TMEM196: variants seen among roughly 807,000 people sequenced by gnomAD.
TMEM196 encodes transmembrane protein 196.
TMEM196 carries 17 observed loss-of-function variants against 20.0 expected under a neutral mutation model. The observed-to-expected ratio is 0.85, with a 90% CI of 0.58 to 1.27. The LOEUF (loss-of-function observed/expected upper bound fraction) is 1.27. TMEM196 is among the 50% of genes most tolerant of loss of function. The pLI is 0.00. For missense variants in TMEM196, 267 were observed against 223.0 expected, an observed-to-expected ratio of 1.20 and a Z score of -1.26; for synonymous variants, 113 against 88.9, an observed-to-expected ratio of 1.27 and a Z score of -1.52.
At chr7:19,765,593 A>G (rs1785595661) in intron 1 of TMEM196, among the ~76,000 whole-genome samples, 1 of 152,174 alleles carries the variant, frequency 6.6e-6, no homozygotes, top group Admixed American at 6.5e-5. Context: ...TTATGGCATA[A>G]ATAATGGTCA....
At chr7:19,739,825 C>A (rs1784526609) in intron 1 of TMEM196, among the ~76,000 whole-genome samples, 1 of 152,080 alleles carries the variant, frequency 6.6e-6, no homozygotes, top group African/African-American at 2.4e-5. Context: ...GGCAGAAATC[C>A]TTTGATGCTG....
chr7:19,729,150 T>C (rs1784103934), intron 2 of TMEM196, among the ~76,000 whole-genome samples: 1 of 152,194 alleles, frequency 6.6e-6, no homozygotes, highest in South Asian at 2.1e-4. Context: ...TATTCAGATA[T>C]TTAAAGAGTT....
In TMEM196 at chr7:19,772,786, C is replaced by G. The variant is rs1051987565; in HGVS notation, c.-90G>C. On this transcript the variant is annotated 5_prime_UTR_variant, in exon 1 of 5. Transcript: ENST00000405844. ...ACTATCCTCCTTACCCCTTCCACCC[C>G]CTACCAGATCCCAAAACTTTTCTTT... 1.6e-5 allele frequency: 20 copies of G among 1,223,814 alleles called. No homozygotes were observed. The highest frequency in any genetic ancestry group is 3.1e-5 in the East Asian group (1 of 32,646). The allele number at this position is 1,223,814 out of a possible 1,614,324, so 75.8% of individuals were successfully genotyped here.
At chr7:19,764,396 G>A (rs1785544357) in intron 1 of TMEM196, among the ~76,000 whole-genome samples, 1 of 152,086 alleles carries the variant, frequency 6.6e-6, no homozygotes, top group Non-Finnish European at 1.5e-5. Flanking sequence ...TTTTAGTTGA[G>A]GCAGATCTTC....
chr7:19,747,251 T>C lies in TMEM196; in HGVS notation c.148-17813A>G, dbSNP rs2892939. On this transcript the variant is annotated intron_variant, in intron 1 of 4. Transcript: ENST00000405844. ...GCCTGGGCGACAGAGCGAGACTCCG[T>C]CTCAAAAAAATAAATAAATAAAATA... Among the ~76,000 whole-genome samples the C allele has an allele frequency of 9.1e-3, 1,150 of 125,760 alleles. 18 individuals carry two copies. The highest frequency in any genetic ancestry group is 0.037 in the African/African-American group (1,083 of 29,076). The allele number at this position is 125,760 out of a possible 152,430, so 82.5% of individuals were successfully genotyped here.
chr7:19,725,962 C>T (rs1187174002), intron 2 of TMEM196, among the ~76,000 whole-genome samples, 194 bp from the exon 3 acceptor site: 1 of 152,070 alleles, frequency 6.6e-6, no homozygotes, highest in Non-Finnish European at 1.5e-5. Flanking sequence ...CTCTGACTCA[C>T]AGTAGACAGA....
chr7:19,752,129 A>C (rs1785011896), intron 1 of TMEM196, among the ~76,000 whole-genome samples: 1 of 152,252 alleles, frequency 6.6e-6, no homozygotes. Context: ...GAATAACATA[A>C]GATGTTGGTC....
intron 1 of TMEM196, among the ~76,000 whole-genome samples, chr7:19,741,208 G>A (rs1003462155): frequency 1.3e-5 from 2 of 152,076 alleles, no homozygotes; most frequent in Non-Finnish European, 2.9e-5. Flanking sequence ...ATAAACAATG[G>A]AATTCAATGT....
chr7:19,730,156 T>A (rs1784149279), intron 1 of TMEM196, among the ~76,000 whole-genome samples: 1 of 151,512 alleles, frequency 6.6e-6, no homozygotes. Flanking sequence ...TTCCGGAGGC[T>A]GAGGCAGGAG....
chr7:19,761,965 A>T (rs1431624051), intron 1 of TMEM196, among the ~76,000 whole-genome samples: 1 of 152,256 alleles, frequency 6.6e-6, no homozygotes, highest in South Asian at 2.1e-4. Flanking sequence ...TGCATTATGC[A>T]TTGTGTTCTG....
In TMEM196 at chr7:19,722,146, A is replaced by G. The variant is rs1783834721; in HGVS notation, c.534-12T>C. The G allele has an allele frequency of 6.2e-7, 1 of 1,602,854 alleles. No individual in the cohort carries two copies. Among genetic ancestry groups the G allele is most frequent in the Non-Finnish European group, 8.5e-7 (1 of 1,175,080 alleles). ...TTGTCTGTTATTTCCTGTTAGAAAA[A>G]TGACATGATTAATTAAAATTCGCTT... On this transcript the variant is annotated splice_polypyrimidine_tract_variant and intron_variant, in intron 4 of 4. Coordinates refer to ENST00000405844, the MANE Select transcript of TMEM196 (RefSeq NM_001363562.2).
intron 1 of TMEM196, among the ~76,000 whole-genome samples, chr7:19,753,370 C>T (rs1453833255): frequency 1.3e-5 from 2 of 152,146 alleles, no homozygotes; most frequent in Non-Finnish European, 2.9e-5. Context: ...AACTCATTTT[C>T]TTACCCCTTC....
intron 1 of TMEM196, among the ~76,000 whole-genome samples, chr7:19,742,518 C>T (rs1030275475): frequency 6.6e-6 from 1 of 152,110 alleles, no homozygotes; most frequent in Non-Finnish European, 1.5e-5. Context: ...AGTAAAGAGA[C>T]ATCGCTCCAT....
chr7:19,725,358 AAAAAT>A (rs934629313), intron 3 of TMEM196, among the ~76,000 whole-genome samples, 151 bp downstream of exon 3: 2 of 152,346 alleles, frequency 1.3e-5, no homozygotes, highest in Non-Finnish European at 2.9e-5. Flanking sequence ...AATTGCAGAG[AAAAAT>A]AAAATAAAAT....
At chr7:19,755,665 T>A (rs1785180398) in intron 1 of TMEM196, among the ~76,000 whole-genome samples, 1 of 152,206 alleles carries the variant, frequency 6.6e-6, no homozygotes, top group Admixed American at 6.5e-5. Flanking sequence ...CCTTTCCAGT[T>A]TATGAATATG....
rs1562612331 is a variant in TMEM196, at chr7:19,736,399, AT to A, written c.148-6962del. 3.5e-4 allele frequency among the ~76,000 whole-genome samples: 38 copies of A among 110,008 alleles called. No individual in the cohort carries two copies. In the South Asian group the frequency reaches 7.7e-3, roughly 22 times the overall value. The allele number at this position is 110,008 out of a possible 152,430, so 72.2% of individuals were successfully genotyped here. On this transcript the variant is annotated intron_variant, in intron 1 of 4. Coordinates refer to ENST00000405844, the MANE Select transcript of TMEM196 (RefSeq NM_001363562.2). ...TATATATATATATATATATATATATATAAATTATCTCTGTAAAATGGAGAAA... is the reference window on the plus strand; with the variant it reads ...TATATATATATATATATATATATATAAAATTATCTCTGTAAAATGGAGAAA...
chr7:19,745,613 TA>T (rs1434319079), intron 1 of TMEM196, among the ~76,000 whole-genome samples: 1 of 151,278 alleles, frequency 6.6e-6, no homozygotes, highest in Non-Finnish European at 1.5e-5. Context: ...TAAAATAAGT[TA>T]ATATTTTCAA....
chr7:19,747,293 T>TA (rs1562618880), intron 1 of TMEM196, among the ~76,000 whole-genome samples: 6 of 150,556 alleles, frequency 4.0e-5, no homozygotes, highest in African/African-American at 1.5e-4. Context: ...AAATAAAAAA[T>TA]AAAAATAAAA....
intron 1 of TMEM196, among the ~76,000 whole-genome samples, chr7:19,756,968 T>G (rs139054306): frequency 2.4e-4 from 37 of 152,162 alleles, no homozygotes; most frequent in African/African-American, 8.4e-4. Flanking sequence ...GCTACTACAT[T>G]TTACCATGCA....
Sources: allele counts gnomAD v4.1 joint callset (sites outside exome capture counted in the v4.1 genomes callset), GRCh38; gene constraint gnomAD v4.1.1; transcripts MANE v1.5; gene names NCBI Gene and HGNC (gene_info 2026-07-23, HGNC 2026-07-21).